LRRC14: variants seen among roughly 807,000 people sequenced by gnomAD.
LRRC14 encodes the protein leucine-rich repeat-containing protein 14.
A neutral mutation model predicts 25.3 loss-of-function variants in LRRC14; 16 were observed. The observed-to-expected ratio is 0.63, with a 90% CI of 0.43 to 0.96. LRRC14 has a LOEUF of 0.96. Among genes scored for constraint, LRRC14 ranks in the 40% least tolerant of loss-of-function variants. The pLI, the probability that LRRC14 is intolerant of heterozygous loss-of-function variation, is 0.00. For synonymous variants in LRRC14, 359 were observed against 295.1 expected (o/e 1.22, Z -2.22); for missense variants, 594 against 660.5 (o/e 0.90, Z 1.10).
chr8:144,519,456 T>C (rs1163964075), intron 1 of LRRC14, 159 bp from the exon 2 acceptor site: 1 of 560,490 alleles, frequency 1.8e-6, no homozygotes, highest in Non-Finnish European at 3.2e-6. Context: ...GATGCCACAC[T>C]GCTTGACGCT....
At position 144,523,889 on chromosome 8, in the gene LRRC14, C is replaced by T. The variant is rs762691858; in HGVS notation, c.*2411C>T. On this transcript the variant is annotated 3_prime_UTR_variant, in exon 4 of 4. Transcript: ENST00000292524. The stretch of plus-strand genomic sequence containing the variant: ...TGCAGAACCCTCAATTCTGTTAAGT[C>T]ACCCTGTGGAGTTCCTGTCTTCTGT... 37 of 589,270 alleles carry T rather than the reference C, an allele frequency of 6.3e-5. No homozygotes were observed. The highest frequency in any genetic ancestry group is 1.0e-4 in the Non-Finnish European group (35 of 337,690). The allele number at this position is 589,270 out of a possible 1,614,324, so 36.5% of individuals were successfully genotyped here.
At position 144,519,257 on chromosome 8, in the gene LRRC14, A is replaced by T. The variant is rs35290698; in HGVS notation, c.-111-358A>T. 990 of 182,610 alleles carry T rather than the reference A, an allele frequency of 5.4e-3. 9 individuals are homozygous for T. The highest frequency in any genetic ancestry group is 0.022 in the African/African-American group (916 of 42,342). The allele number at this position is 182,610 out of a possible 1,614,324, so 11.3% of individuals were successfully genotyped here. ...GAGGGAAAGGTGATTTGGCTGCTTGACTCCTTAGAGTGTCCCGTCAATACT... is the reference window on the plus strand; with the variant it reads ...GAGGGAAAGGTGATTTGGCTGCTTGTCTCCTTAGAGTGTCCCGTCAATACT... On this transcript the variant is annotated intron_variant, in intron 1 of 3. Coordinates refer to ENST00000292524, the MANE Select transcript of LRRC14 (RefSeq NM_014665.4).
chr8:144,519,611 T>C lies in LRRC14; in HGVS notation c.-111-4T>C. The C allele has an allele frequency of 2.2e-6, 2 of 901,446 alleles. No individual in the cohort carries two copies. Among genetic ancestry groups the C allele is most frequent in the Non-Finnish European group, 1.7e-6 (1 of 588,912 alleles). 55.8% of individuals were successfully genotyped at this position (901,446 alleles called of 1,614,324 possible). Reference sequence around the variant, plus strand: ...GCCACTGCTAACTGCTGACTTTGTTTCAGGCACTATGCTGGGCCTTCCTAC... The same window carrying C: ...GCCACTGCTAACTGCTGACTTTGTTCCAGGCACTATGCTGGGCCTTCCTAC... On this transcript the variant is annotated splice_region_variant and splice_polypyrimidine_tract_variant and intron_variant, in intron 1 of 3. Transcript: ENST00000292524.
In LRRC14 at chr8:144,523,112, C is replaced by T; in HGVS notation, c.*1634C>T. On this transcript the variant is annotated 3_prime_UTR_variant, in exon 4 of 4. Transcript: ENST00000292524. ...TAGCTGGGCCTGGGCTCGCGGCCGGCCCTCGCGAGGCTGGGGCACCTTTCT... is the reference window on the plus strand; with the variant it reads ...TAGCTGGGCCTGGGCTCGCGGCCGGTCCTCGCGAGGCTGGGGCACCTTTCT... 1 of 1,609,368 alleles carries T rather than the reference C, an allele frequency of 6.2e-7. No homozygotes were observed. The highest frequency in any genetic ancestry group is 1.3e-5 in the African/African-American group (1 of 75,052).
rs777754333 is a variant in LRRC14 at position 144,523,308 on chromosome 8, C to T, written c.*1830C>T. ...TGGAGCGCCAGGCGCGGGGGCTCTGCACACATGATCTTCCTGTCCCTGGAG... is the reference window on the plus strand; with the variant it reads ...TGGAGCGCCAGGCGCGGGGGCTCTGTACACATGATCTTCCTGTCCCTGGAG... On this transcript the variant is annotated 3_prime_UTR_variant, in exon 4 of 4. Coordinates refer to ENST00000292524, the MANE Select transcript of LRRC14 (RefSeq NM_014665.4). 3.7e-6 allele frequency: 6 copies of T among 1,610,270 alleles called. No homozygotes were observed. The East Asian group carries it at 1.3e-4, about 36-fold the overall frequency.
Position 144,524,547 on chromosome 8 carries a change from C to A in LRRC14, c.*3069C>A, listed in dbSNP as rs757921818. ...TACGAAGGCGCCGCTGCGCAAGCCG[C>A]GCAGCCGGTTGCTAGTGAGCGCCAG... On this transcript the variant is annotated 3_prime_UTR_variant, in exon 4 of 4. Transcript: ENST00000292524. The A allele has an allele frequency of 6.3e-7, 1 of 1,581,724 alleles. No homozygotes were observed. The highest frequency in any genetic ancestry group is 1.8e-5 in the Admixed American group (1 of 56,966).
Position 144,522,186 on chromosome 8 carries a change from C to T in LRRC14, c.*708C>T, listed in dbSNP as rs1347256768. Reference sequence around the variant, plus strand: ...GCCGGCCAGTCCTTGCTCTTCCCACCTTTCGGAGGCCCAAGATCCTACTGT... The same window carrying T: ...GCCGGCCAGTCCTTGCTCTTCCCACTTTTCGGAGGCCCAAGATCCTACTGT... On this transcript the variant is annotated 3_prime_UTR_variant, in exon 4 of 4. Coordinates refer to ENST00000292524, the MANE Select transcript of LRRC14 (RefSeq NM_014665.4). The T allele has an allele frequency of 2.6e-5, 10 of 391,540 alleles. No homozygotes were observed. Among genetic ancestry groups the T allele is most frequent in the Non-Finnish European group, 4.0e-5 (9 of 222,764 alleles). 24.3% of individuals were successfully genotyped at this position (391,540 alleles called of 1,614,324 possible).
In LRRC14 at chr8:144,520,407, G is replaced by T; in HGVS notation, c.499G>T (p.Val167Leu). 6.2e-7 allele frequency: 1 copy of T among 1,605,486 alleles called. No homozygotes were observed. The highest frequency in any genetic ancestry group is 8.5e-7 in the Non-Finnish European group (1 of 1,177,238). Residue 167 changes from valine (V) to leucine (L), a missense_variant, in exon 3 of 4, where the codon GTG (valine) becomes TTG (leucine). Physicochemically the swap from Val to Leu is conservative, Grantham distance 32. Coordinates refer to ENST00000292524, the MANE Select transcript of LRRC14 (RefSeq NM_014665.4). Reference sequence around the variant, plus strand: ...TGGGCCAGCCCCCATCCCCGTGGAGGTGCGCGTGGACCTGCGGGTGAACCG... The same window carrying T: ...TGGGCCAGCCCCCATCCCCGTGGAGTTGCGCGTGGACCTGCGGGTGAACCG... ...EPGPAPIPVE[V>L]RVDLRVNRAS...
In LRRC14 at chr8:144,522,627, C is replaced by G. The variant is rs764806865; in HGVS notation, c.*1149C>G. The G allele has an allele frequency of 1.3e-6, 2 of 1,575,578 alleles. No individual in the cohort carries two copies. Among genetic ancestry groups the G allele is most frequent in the African/African-American group, 2.8e-5 (2 of 71,830 alleles). The stretch of plus-strand genomic sequence containing the variant: ...ACGAACATCTCGTGGCCGCGCTCGT[C>G]GCGGAGCTCCTCTAGCTGTGCGAAC... On this transcript the variant is annotated 3_prime_UTR_variant, in exon 4 of 4. Transcript: ENST00000292524.
In LRRC14 at chr8:144,521,119, T is replaced by C; in HGVS notation, c.1123T>C (p.Cys375Arg). Reference sequence around the variant, plus strand: ...ACTGTTGCATCTGGAGCTGACTGAGTGTCAGCTCGCAGACACCCAGCTGTT... The same window carrying C: ...ACTGTTGCATCTGGAGCTGACTGAGCGTCAGCTCGCAGACACCCAGCTGTT... The part of the protein sequence containing the change: ...ATLLHLELTE[C>R]QLADTQLLAT... The change falls in exon 4 of 4, where the codon TGT becomes CGT. Residue 375 changes from cysteine to arginine, a missense_variant. Transcript: ENST00000292524. The C allele has an allele frequency of 6.2e-7, 1 of 1,612,936 alleles. No individual in the cohort carries two copies. The highest frequency in any genetic ancestry group is 8.5e-7 in the Non-Finnish European group (1 of 1,179,990).
In LRRC14 at chr8:144,523,269, C is replaced by G. The variant is rs749943742; in HGVS notation, c.*1791C>G. 2 of 1,610,706 alleles carry G rather than the reference C, an allele frequency of 1.2e-6. No homozygotes were observed. Among genetic ancestry groups the G allele is most frequent in the African/African-American group, 1.3e-5 (1 of 74,918 alleles). On this transcript the variant is annotated 3_prime_UTR_variant, in exon 4 of 4. Coordinates refer to ENST00000292524, the MANE Select transcript of LRRC14 (RefSeq NM_014665.4). ...ATGCAGATGAGGCTGCTGTGGGATA[C>G]GTCCAGGAGACTCTGGAGCGCCAGG...
chr8:144,521,489 C>T lies in LRRC14; in HGVS notation c.*11C>T, dbSNP rs1397930538. 2 of 1,588,162 alleles carry T rather than the reference C, an allele frequency of 1.3e-6. No individual in the cohort carries two copies. Among genetic ancestry groups the T allele is most frequent in the Non-Finnish European group, 1.7e-6 (2 of 1,171,188 alleles). On this transcript the variant is annotated 3_prime_UTR_variant, in exon 4 of 4. Coordinates refer to ENST00000292524, the MANE Select transcript of LRRC14 (RefSeq NM_014665.4). ...TACTTCAGCCTATGATGAAGTAGCT[C>T]TGGGTGAGACACAGGCCGCCCTGCA... is the stretch of plus-strand genomic sequence containing the variant.
At chr8:144,518,324 C>T (rs1292735566) in intron 1 of LRRC14, 2 of 152,170 alleles carry the variant, frequency 1.3e-5, no homozygotes, top group Non-Finnish European at 2.9e-5. Flanking sequence ...AGCGGAGGGT[C>T]CAGCGCCTCC....
At position 144,522,105 on chromosome 8, in the gene LRRC14, A is replaced by C; in HGVS notation, c.*627A>C. 7.7e-6 allele frequency: 2 copies of C among 260,278 alleles called. No individual in the cohort carries two copies. Among genetic ancestry groups the C allele is most frequent in the Non-Finnish European group, 7.3e-6 (1 of 137,128 alleles). The allele number at this position is 260,278 out of a possible 1,614,324, so 16.1% of individuals were successfully genotyped here. On this transcript the variant is annotated 3_prime_UTR_variant, in exon 4 of 4. Coordinates refer to ENST00000292524, the MANE Select transcript of LRRC14 (RefSeq NM_014665.4). ...GTCACCCCCAACATGGCCACCCGGC[A>C]ACAACTGCCATCCAGCCTGTCGCCC...
At position 144,522,553 on chromosome 8, in the gene LRRC14, G is replaced by T. The variant is rs1172005206; in HGVS notation, c.*1075G>T. 1.3e-6 allele frequency: 2 copies of T among 1,536,458 alleles called. No homozygotes were observed. Among genetic ancestry groups the T allele is most frequent in the Middle Eastern group, 1.7e-4 (1 of 5,848 alleles). ...CCCCCTGTTCCGGGCCGCAGTCAGC[G>T]GGCGCCTCCGCCGGACCCTCGGCGA... is the stretch of plus-strand genomic sequence containing the variant. On this transcript the variant is annotated 3_prime_UTR_variant, in exon 4 of 4. Coordinates refer to ENST00000292524, the MANE Select transcript of LRRC14 (RefSeq NM_014665.4).
chr8:144,521,368 GC>G lies in LRRC14; in HGVS notation c.1375del (p.Arg459AlafsTer2). 1 of 1,612,712 alleles carries G rather than the reference GC, an allele frequency of 6.2e-7. No individual in the cohort carries two copies. The highest frequency in any genetic ancestry group is 8.5e-7 in the Non-Finnish European group (1 of 1,180,020). ...GGCCTCCATCAATGAGGAGAAGTTTGCCCGCGTAGAAGCTGAGTTGCACCAG... is the reference window on the plus strand; with the variant it reads ...GGCCTCCATCAATGAGGAGAAGTTTGCCGCGTAGAAGCTGAGTTGCACCAG... Reference protein sequence around the residue: ...LEASINEEKFARVEAELHQLL... With the variant: ...LEASINEEKFXRVEAELHQLL... On this transcript the variant is annotated frameshift_variant, in exon 4 of 4. Transcript: ENST00000292524. LOFTEE classifies it high-confidence loss of function.
chr8:144,523,504 C>T lies in LRRC14; in HGVS notation c.*2026C>T. On this transcript the variant is annotated 3_prime_UTR_variant, in exon 4 of 4. Transcript: ENST00000292524. ...GCAGGCCAGGACAGAGGCCTCTTTC[C>T]CACCTCCCACAGCGTTTTCACACGG... 1.4e-6 allele frequency: 2 copies of T among 1,434,886 alleles called. No individual in the cohort carries two copies. Among genetic ancestry groups the T allele is most frequent in the South Asian group, 1.5e-5 (1 of 65,198 alleles). The allele number at this position is 1,434,886 out of a possible 1,614,324, so 88.9% of individuals were successfully genotyped here. A position where few individuals can be genotyped will look rare whatever the true frequency, so the allele number is the denominator to read the frequency against.
Position 144,520,892 on chromosome 8 carries a change from ACCCCTGTGT to A in LRRC14, c.915-11_915-3del, listed in dbSNP as rs779885277. 12 of 1,600,030 alleles carry A rather than the reference ACCCCTGTGT, an allele frequency of 7.5e-6. No individual in the cohort carries two copies. Among genetic ancestry groups the A allele is most frequent in the South Asian group, 4.4e-5 (4 of 90,900 alleles). On this transcript the variant is annotated splice_polypyrimidine_tract_variant and intron_variant, in intron 3 of 3. Coordinates refer to ENST00000292524, the MANE Select transcript of LRRC14 (RefSeq NM_014665.4). ...CCCTCCCTGGCTCTGCCTGTCTGTGACCCCTGTGTCCCCTGTAGCACCCTGCAGAGCCCC... is the reference window on the plus strand; with the variant it reads ...CCCTCCCTGGCTCTGCCTGTCTGTGACCCCTGTAGCACCCTGCAGAGCCCC...
intron 1 of LRRC14, chr8:144,519,295 G>C (rs1193317278): frequency 4.1e-6 from 1 of 241,550 alleles, no homozygotes; most frequent in Non-Finnish European, 8.3e-6. Context: ...TGCTGATGAA[G>C]GTTGGTGGGG....
Sources: allele counts gnomAD v4.1 joint callset, GRCh38; gene constraint gnomAD v4.1.1; transcripts MANE v1.5; gene names NCBI Gene and HGNC (gene_info 2026-07-23, HGNC 2026-07-21).